TFPI: variants seen among roughly 807,000 people sequenced by gnomAD.
The protein encoded by TFPI is tissue factor pathway inhibitor.
In TFPI, 15 loss-of-function variants were observed where a neutral mutation model predicts 34.6. That is an observed-to-expected ratio of 0.43 (90% CI 0.29 to 0.67). TFPI has a LOEUF of 0.67. Ranked by LOEUF, TFPI falls within the 30% of genes least tolerant of loss-of-function variation. The pLI is 0.15. For missense variants in TFPI, 301 were observed against 364.0 expected (o/e 0.83, Z 1.41); for synonymous variants, 105 against 120.1 (o/e 0.87, Z 0.82).
chr2:187,532,604 G>A (rs1476562981), intron 1 of TFPI, among the ~76,000 whole-genome samples: 1 of 152,162 alleles, frequency 6.6e-6, no homozygotes, highest in Admixed American at 6.5e-5. Flanking sequence ...AGATTCCATC[G>A]CGTGCTTACG....
chr2:187,495,459 A>G (rs1685411830), intron 3 of TFPI, among the ~76,000 whole-genome samples: 1 of 152,190 alleles, frequency 6.6e-6, no homozygotes, highest in Non-Finnish European at 1.5e-5. Context: ...AACCAAAAGC[A>G]CCACTGAGGA....
At chr2:187,507,445 A>C (rs1241773702) in intron 1 of TFPI, among the ~76,000 whole-genome samples, 2 of 152,198 alleles carry the variant, frequency 1.3e-5, no homozygotes, top group African/African-American at 4.8e-5. Context: ...AGGAATTGCC[A>C]CACCACCTTC....
intron 6 of TFPI, among the ~76,000 whole-genome samples, chr2:187,475,685 A>C (rs900665714): frequency 6.6e-6 from 1 of 152,214 alleles, no homozygotes. Flanking sequence ...CCACAGACTG[A>C]GTCAGCAAAT....
intron 6 of TFPI, among the ~76,000 whole-genome samples, chr2:187,471,913 T>C (rs1477512632): frequency 6.6e-6 from 1 of 152,096 alleles, no homozygotes; most frequent in Non-Finnish European, 1.5e-5. Flanking sequence ...ACTTGTTAAG[T>C]ACATTTATTT....
intron 3 of TFPI, among the ~76,000 whole-genome samples, chr2:187,491,682 C>T (rs1362722503): frequency 1.3e-5 from 2 of 151,974 alleles, no homozygotes; most frequent in Non-Finnish European, 2.9e-5. Flanking sequence ...AGTTATCTTT[C>T]TGATATAATG....
intron 3 of TFPI, among the ~76,000 whole-genome samples, chr2:187,494,874 C>T (rs1685364435): frequency 6.6e-6 from 1 of 152,110 alleles, no homozygotes; most frequent in South Asian, 2.1e-4. Flanking sequence ...AGGCACATGC[C>T]ACCATACCCA....
At chr2:187,507,143 G>A (rs1241220576) in intron 1 of TFPI, among the ~76,000 whole-genome samples, 1 of 152,072 alleles carries the variant, frequency 6.6e-6, no homozygotes, top group African/African-American at 2.4e-5. Context: ...CCACTTATGA[G>A]TGAGAACATG....
chr2:187,491,410 A>G (rs1685115765), intron 3 of TFPI, among the ~76,000 whole-genome samples: 2 of 151,154 alleles, frequency 1.3e-5, no homozygotes, highest in African/African-American at 2.4e-5. Context: ...TGTATGCACT[A>G]TTTACCCCCC....
intron 3 of TFPI, among the ~76,000 whole-genome samples, chr2:187,489,400 A>ATG (rs1559112252): frequency 6.6e-6 from 1 of 150,552 alleles, no homozygotes; most frequent in Non-Finnish European, 1.5e-5. Context: ...GTGTGTGTGT[A>ATG]TATGTATAGC....
chr2:187,509,003 G>T (rs374513044), intron 1 of TFPI, among the ~76,000 whole-genome samples: 1 of 152,130 alleles, frequency 6.6e-6, no homozygotes, highest in Admixed American at 6.5e-5. Flanking sequence ...TTTTTAGCAT[G>T]AAGAGGTGTT....
intron 6 of TFPI, among the ~76,000 whole-genome samples, chr2:187,475,031 G>A (rs764369661): frequency 3.9e-5 from 6 of 152,006 alleles, no homozygotes; most frequent in Admixed American, 1.3e-4. Flanking sequence ...CCTTGTGCAG[G>A]TCTCTGTCTT....
chr2:187,543,894 C>G (rs1291236969), intron 1 of TFPI, among the ~76,000 whole-genome samples: 1 of 152,116 alleles, frequency 6.6e-6, no homozygotes, highest in Admixed American at 6.5e-5. Context: ...ACACTTGTTA[C>G]TGAAGCTGCA....
At chr2:187,528,156 C>T (rs1687772442) in intron 1 of TFPI, among the ~76,000 whole-genome samples, 1 of 152,096 alleles carries the variant, frequency 6.6e-6, no homozygotes, top group African/African-American at 2.4e-5. Flanking sequence ...ACTCTATCCA[C>T]ATATATAGGA....
At chr2:187,554,165 C>A (rs1317377222) in intron 1 of TFPI, 35 bp downstream of exon 1, 1 of 151,986 alleles carries the variant, frequency 6.6e-6, no homozygotes, top group African/African-American at 2.4e-5. Flanking sequence ...AAAGTTATTT[C>A]TTATGGGCTA....
At position 187,539,192 on chromosome 2, in the gene TFPI, T is replaced by C. The variant is rs1174737719; in HGVS notation, c.-3+15008A>G. ...GGCTGCTACTGTGGACAGTATAATG[T>C]CTGTGAGTACATTAGAGAAATATTT... On this transcript the variant is annotated intron_variant, in intron 1 of 7. Coordinates refer to ENST00000233156, the MANE Select transcript of TFPI (RefSeq NM_006287.6). Among the ~76,000 whole-genome samples, 4 of 152,260 alleles carry C rather than the reference T, an allele frequency of 2.6e-5. No homozygotes were observed. In the East Asian group the frequency reaches 5.8e-4, roughly 22 times the overall value.
intron 6 of TFPI, among the ~76,000 whole-genome samples, chr2:187,482,601 C>T (rs1255653581): frequency 6.6e-6 from 1 of 152,008 alleles, no homozygotes; most frequent in African/African-American, 2.4e-5. Context: ...TTTGCATCCC[C>T]TTAATGACCT....
chr2:187,521,922 A>C (rs1218187352), intron 1 of TFPI, among the ~76,000 whole-genome samples: 2 of 152,232 alleles, frequency 1.3e-5, no homozygotes, highest in East Asian at 1.9e-4. Flanking sequence ...AGTTTTTAGA[A>C]AAATAGCCAT....
chr2:187,499,984 T>C (rs1685745335), intron 2 of TFPI, among the ~76,000 whole-genome samples: 1 of 152,178 alleles, frequency 6.6e-6, no homozygotes, highest in Non-Finnish European at 1.5e-5. Flanking sequence ...AAATCAATAA[T>C]TTTATCAGAT....
At chr2:187,471,269 C>T (rs934770040) in intron 6 of TFPI, among the ~76,000 whole-genome samples, 4 of 152,106 alleles carry the variant, frequency 2.6e-5, no homozygotes, top group African/African-American at 9.7e-5. Flanking sequence ...CCATAAATGA[C>T]AGTAAAATTA....
Sources: allele counts gnomAD v4.1 joint callset (sites outside exome capture counted in the v4.1 genomes callset), GRCh38; gene constraint gnomAD v4.1.1; transcripts MANE v1.5; gene names NCBI Gene and HGNC (gene_info 2026-07-23, HGNC 2026-07-21).